ITPR2: variants seen among roughly 807,000 people sequenced by gnomAD.
The protein encoded by ITPR2 is inositol 1,4,5-trisphosphate-gated calcium channel ITPR2.
ITPR2 carries 207 observed loss-of-function variants against 317.1 expected under a neutral mutation model. That is an observed-to-expected ratio of 0.65 (90% CI 0.58 to 0.73). The LOEUF is 0.73. Among genes scored for constraint, ITPR2 ranks in the 30% least tolerant of loss-of-function variants. The pLI is 0.00. For missense variants in ITPR2, 2,613 were observed against 3,284.0 expected, an observed-to-expected ratio of 0.80 and a Z score of 4.99; for synonymous variants, 1,156 against 1,149.1, an observed-to-expected ratio of 1.01 and a Z score of -0.12.
rs367940467 is a variant in ITPR2 at position 26,463,698 on chromosome 12, C to A, written c.6342+11598G>T. Among the ~76,000 whole-genome samples the A allele has an allele frequency of 1.5e-3, 207 of 138,770 alleles. 1 individual carries two copies. The highest frequency in any genetic ancestry group is 0.011 in the East Asian group (55 of 5,110). The allele number at this position is 138,770 out of a possible 152,430, so 91.0% of individuals were successfully genotyped here. The stretch of plus-strand genomic sequence containing the variant: ...AAAACACAAAAAACAAACAAACAAA[C>A]AAAAAAAAAACAAATTAAGTACTCT... On this transcript the variant is annotated intron_variant, in intron 45 of 56. Coordinates refer to ENST00000381340, the MANE Select transcript of ITPR2 (RefSeq NM_002223.4).
At chr12:26,345,267 A>C (rs986903347) in intron 55 of ITPR2, among the ~76,000 whole-genome samples, 16 of 152,150 alleles carry the variant, frequency 1.1e-4, no homozygotes, top group Non-Finnish European at 1.9e-4. Context: ...TTTTTCTTCA[A>C]AATTACTGCA....
chr12:26,589,831 A>AACATAT (rs1945648652), intron 32 of ITPR2, among the ~76,000 whole-genome samples: 1 of 24,440 alleles, frequency 4.1e-5, no homozygotes, highest in South Asian at 1.4e-3. Flanking sequence ...TAAATAAATA[A>AACATAT]ACATATATAT....
chr12:26,728,058 A>C (rs575627076), intron 2 of ITPR2, among the ~76,000 whole-genome samples: 4 of 152,238 alleles, frequency 2.6e-5, no homozygotes, highest in Admixed American at 6.5e-5. Flanking sequence ...CAAGATCTAC[A>C]GTGTTATGTT....
intron 21 of ITPR2, among the ~76,000 whole-genome samples, chr12:26,639,433 A>G (rs756273698): frequency 1.3e-5 from 2 of 152,122 alleles, no homozygotes; most frequent in Non-Finnish European, 2.9e-5. Context: ...CATATATTAT[A>G]TAGATAATTT....
chr12:26,550,878 A>T (rs1944508529), intron 36 of ITPR2, among the ~76,000 whole-genome samples: 1 of 152,156 alleles, frequency 6.6e-6, no homozygotes, highest in East Asian at 1.9e-4. Context: ...CAGTTTTTGT[A>T]TTAAGAGCAA....
At chr12:26,673,517 A>G (rs1947838092) in intron 13 of ITPR2, among the ~76,000 whole-genome samples, 2 of 151,352 alleles carry the variant, frequency 1.3e-5, no homozygotes, top group Admixed American at 6.6e-5. Context: ...AAAACTCTCA[A>G]TAAATTAGGT....
At chr12:26,541,686 T>C (rs1944266931) in intron 37 of ITPR2, among the ~76,000 whole-genome samples, 1 of 152,226 alleles carries the variant, frequency 6.6e-6, no homozygotes, top group South Asian at 2.1e-4. Flanking sequence ...CTTGATACAA[T>C]TTACAAATTT....
At chr12:26,360,343 G>A (rs1260083710) in intron 55 of ITPR2, among the ~76,000 whole-genome samples, 2 of 152,134 alleles carry the variant, frequency 1.3e-5, no homozygotes, top group Non-Finnish European at 2.9e-5. Context: ...CTCCTATTCT[G>A]GCCTTGTTGT....
In ITPR2 at chr12:26,400,127, C is replaced by A; in HGVS notation, c.7530+1G>T. 1 of 1,605,834 alleles carries A rather than the reference C, an allele frequency of 6.2e-7. No individual in the cohort carries two copies. Among genetic ancestry groups the A allele is most frequent in the Non-Finnish European group, 8.5e-7 (1 of 1,175,882 alleles). ...GAAAAAATACTTTTACTCTGGCTTACATCTTTCGATGGCCTTCTTAGCACA... is the reference window on the plus strand; with the variant it reads ...GAAAAAATACTTTTACTCTGGCTTAAATCTTTCGATGGCCTTCTTAGCACA... On this transcript the variant is annotated splice_donor_variant, in intron 53 of 56. Transcript: ENST00000381340. LOFTEE classifies it high-confidence loss of function.
intron 37 of ITPR2, among the ~76,000 whole-genome samples, chr12:26,523,483 G>T (rs1022272516): frequency 6.6e-6 from 1 of 150,900 alleles, no homozygotes; most frequent in Non-Finnish European, 1.5e-5. Flanking sequence ...TAAAATACTG[G>T]CAGCCTTTTA....
chr12:26,698,628 G>A (rs1416349433), intron 9 of ITPR2, among the ~76,000 whole-genome samples: 1 of 152,228 alleles, frequency 6.6e-6, no homozygotes, highest in African/African-American at 2.4e-5. Context: ...TTTCAGAACT[G>A]ACACACAAGG....
chr12:26,494,216 T>A lies in ITPR2; in HGVS notation c.5307A>T (p.Arg1769Ser), dbSNP rs1456543647. Residue 1769 changes from arginine (R) to serine (S), a missense_variant, in exon 39 of 57, where the codon AGA (arginine) becomes AGT (serine). By Grantham distance (110) the Arg-to-Ser change is moderately radical. Coordinates refer to ENST00000381340, the MANE Select transcript of ITPR2 (RefSeq NM_002223.4). ...IDVIVNTKND[R>S]IFSEGIFLGI... ...CGAGGAAAATGCCTTCTGAAAAAAT[T>A]CTGTCATTTTTGGTGTTCACTATAA... is the stretch of plus-strand genomic sequence containing the variant. The A allele has an allele frequency of 6.2e-7, 1 of 1,613,232 alleles. No individual in the cohort carries two copies. The highest frequency in any genetic ancestry group is 1.7e-5 in the Admixed American group (1 of 59,908).
At chr12:26,806,443 A>G (rs934591253) in intron 1 of ITPR2, among the ~76,000 whole-genome samples, 3 of 152,182 alleles carry the variant, frequency 2.0e-5, no homozygotes, top group Non-Finnish European at 4.4e-5. Context: ...CTTACAGTAC[A>G]CTGTTTGTTA....
intron 35 of ITPR2, 28 bp downstream of exon 35, chr12:26,561,734 A>G (rs757718335): frequency 1.4e-6 from 2 of 1,480,726 alleles, no homozygotes; most frequent in South Asian, 1.4e-5. Flanking sequence ...TTTAGAAAAT[A>G]TTAATGCTAT....
chr12:26,541,510 A>G (rs1944260962), intron 37 of ITPR2, among the ~76,000 whole-genome samples: 1 of 152,228 alleles, frequency 6.6e-6, no homozygotes, highest in African/African-American at 2.4e-5. Flanking sequence ...AGCTGATAAT[A>G]AAACTAAAAT....
intron 2 of ITPR2, among the ~76,000 whole-genome samples, chr12:26,729,224 C>G (rs2137057863): frequency 6.6e-6 from 1 of 152,240 alleles, no homozygotes; most frequent in South Asian, 2.1e-4. Flanking sequence ...CTCAGCATCA[C>G]TGATCATTAG....
At chr12:26,603,698 G>T (rs1476995641) in intron 26 of ITPR2, among the ~76,000 whole-genome samples, 1 of 152,182 alleles carries the variant, frequency 6.6e-6, no homozygotes, top group Admixed American at 6.5e-5. Flanking sequence ...TTAAGGCAAG[G>T]TCTAGAACGA....
intron 55 of ITPR2, among the ~76,000 whole-genome samples, chr12:26,367,727 T>G (rs978456506): frequency 6.6e-6 from 1 of 152,208 alleles, no homozygotes; most frequent in African/African-American, 2.4e-5. Flanking sequence ...TTATTACGAT[T>G]TGAAAAGATC....
Position 26,724,739 on chromosome 12 carries a change from C to T in ITPR2, c.283G>A (p.Ala95Thr). The T allele has an allele frequency of 6.2e-7, 1 of 1,600,966 alleles. No homozygotes were observed. Reference sequence around the variant, plus strand: ...TTTTGTTTTTGTTCCAGTTCTGCAGCGTGCTATAAGATGATTATCAAATAT... The same window carrying T: ...TTTTGTTTTTGTTCCAGTTCTGCAGTGTGCTATAAGATGATTATCAAATAT... ...EAALLKKLQHAAELEQKQNES... is the reference protein window; with the variant it reads ...EAALLKKLQHTAELEQKQNES... The change falls in exon 4 of 57, where the codon GCT (alanine) becomes ACT (threonine). Residue 95 changes from alanine (A) to threonine (T), a missense_variant. Transcript: ENST00000381340.
Sources: allele counts gnomAD v4.1 joint callset (sites outside exome capture counted in the v4.1 genomes callset), GRCh38; gene constraint gnomAD v4.1.1; transcripts MANE v1.5; gene names NCBI Gene and HGNC (gene_info 2026-07-23, HGNC 2026-07-21).